Variants in CHD2 observed in about 807,000 individuals in gnomAD.
CHD2 encodes chromodomain helicase DNA binding protein 2, also known as ATP-dependent chromatin remodeler CHD2.
CHD2 carries 28 observed loss-of-function variants against 243.9 expected under a neutral mutation model. That is an observed-to-expected ratio of 0.11 (90% confidence interval 0.09 to 0.16). CHD2 has a LOEUF of 0.16. Among genes scored for constraint, CHD2 ranks in the 10% least tolerant of loss-of-function variants. The pLI is 1.00. For synonymous variants in CHD2, 775 were observed against 779.0 expected, an observed-to-expected ratio of 0.99 and a Z score of 0.09; for missense variants, 1,386 against 2,209.8, an observed-to-expected ratio of 0.63 and a Z score of 7.47.
intron 13 of CHD2, among the ~76,000 whole-genome samples, chr15:92,952,185 TC>T (rs2053562450): frequency 6.6e-6 from 1 of 152,176 alleles, no homozygotes; most frequent in Non-Finnish European, 1.5e-5. Context: ...TCTTAGATAT[TC>T]TTTTTCCATT....
chr15:92,965,294 C>A (rs796580673), intron 16 of CHD2: 1 of 152,072 alleles, frequency 6.6e-6, no homozygotes, highest in African/African-American at 2.4e-5. Context: ...TGGTGGCTCA[C>A]GCCTGTAATC....
At position 92,903,375 on chromosome 15, in the gene CHD2, T is replaced by G. The variant is rs1006253248; in HGVS notation, c.62+2076T>G. Among the ~76,000 whole-genome samples the G allele has an allele frequency of 4.5e-4, 68 of 152,226 alleles. 3 individuals carry two copies. The highest frequency in any genetic ancestry group is 1.9e-4 in the Non-Finnish European group (13 of 68,042). On this transcript the variant is annotated intron_variant, in intron 2 of 38. Transcript: ENST00000394196. ...TGAGCCACAGAAGAGGAAATGAGTT[T>G]GCAGGTCAAGTAAACTTTGGTCTGA... is the stretch of plus-strand genomic sequence containing the variant.
chr15:92,908,209 G>A (rs2052658137), intron 2 of CHD2, among the ~76,000 whole-genome samples: 1 of 151,250 alleles, frequency 6.6e-6, no homozygotes, highest in Non-Finnish European at 1.5e-5. Flanking sequence ...CAAGCTGTTA[G>A]AGAATGAATA....
At chr15:92,987,440 AAAT>A (rs1360424509) in intron 26 of CHD2, among the ~76,000 whole-genome samples, 6 of 151,958 alleles carry the variant, frequency 3.9e-5, no homozygotes, top group African/African-American at 1.5e-4. Flanking sequence ...TCTCTACTAA[AAAT>A]ACAAAAAATT....
At chr15:92,911,231 C>T (rs2052728735) in intron 2 of CHD2, among the ~76,000 whole-genome samples, 2 of 152,128 alleles carry the variant, frequency 1.3e-5, no homozygotes, top group Non-Finnish European at 2.9e-5. Context: ...TGTATACTAC[C>T]TCCTAAGAAT....
At position 92,949,120 on chromosome 15, in the gene CHD2, C is replaced by T. The variant is rs754753528; in HGVS notation, c.1502+44C>T. 4 of 1,590,848 alleles carry T rather than the reference C, an allele frequency of 2.5e-6. No individual in the cohort carries two copies. The South Asian group carries it at 3.5e-5, about 14-fold the overall frequency. ...GTGCAATTTTCCTTACTGTTTCTGG[C>T]TTCTTTATTGTTAGATGTCAAGAAT... On this transcript the variant is annotated intron_variant, in intron 13 of 38. Transcript: ENST00000394196.
intron 7 of CHD2, among the ~76,000 whole-genome samples, chr15:92,941,239 G>A (rs900624670): frequency 2.0e-5 from 3 of 151,660 alleles, no homozygotes; most frequent in Non-Finnish European, 4.4e-5. Flanking sequence ...TGATTCACCT[G>A]TGTCAGCCTC....
intron 2 of CHD2, among the ~76,000 whole-genome samples, chr15:92,922,945 A>G (rs1349139800): frequency 6.6e-6 from 1 of 151,844 alleles, no homozygotes; most frequent in Non-Finnish European, 1.5e-5. Flanking sequence ...ACATCTACCT[A>G]CTTAGGTTGC....
chr15:92,906,476 C>G (rs1358251046), intron 2 of CHD2, among the ~76,000 whole-genome samples: 1 of 152,094 alleles, frequency 6.6e-6, no homozygotes, highest in African/African-American at 2.4e-5. Context: ...CAGATTTTAT[C>G]ATTAGTTTAC....
chr15:92,942,983 A>T lies in CHD2; in HGVS notation c.967A>T (p.Ser323Cys). 6.2e-7 allele frequency: 1 copy of T among 1,614,136 alleles called. No individual in the cohort carries two copies. The highest frequency in any genetic ancestry group is 8.5e-7 in the Non-Finnish European group (1 of 1,179,982). Residue 323 changes from serine (S) to cysteine (C), a missense_variant, in exon 9 of 39, where the codon AGT (serine) becomes TGT (cysteine). Ser to Cys is a moderately radical substitution (Grantham distance 112). This residue lies in a region of CHD2 where 200 missense variants were observed against 292.5 expected (regional missense o/e 0.68). Transcript: ENST00000394196. Reference protein sequence around the residue: ...GWSYIHSTWESEESLQQQKVK... With the variant: ...GWSYIHSTWECEESLQQQKVK... ...GTCTTACATCCACAGCACATGGGAG[A>T]GTGAAGAATCCTTACAGCAACAGAA...
At chr15:93,019,281 A>G (rs1028881009) in intron 37 of CHD2, among the ~76,000 whole-genome samples, 3 of 152,200 alleles carry the variant, frequency 2.0e-5, no homozygotes, top group Admixed American at 6.5e-5. Context: ...ACCGGAGGAT[A>G]TTACTCGCAG....
intron 9 of CHD2, chr15:92,944,113 G>A (rs183432366): frequency 5.7e-6 from 1 of 176,746 alleles, no homozygotes; most frequent in East Asian, 1.4e-4. Flanking sequence ...GTATGAATTT[G>A]CCACATGAAT....
At chr15:92,929,517 T>C (rs2053126167) in intron 5 of CHD2, among the ~76,000 whole-genome samples, 1 of 152,216 alleles carries the variant, frequency 6.6e-6, no homozygotes. Flanking sequence ...TTACATATTG[T>C]TGTTTCTGTA....
intron 17 of CHD2, among the ~76,000 whole-genome samples, chr15:92,971,317 A>G (rs1324018245): frequency 1.3e-5 from 2 of 152,216 alleles, no homozygotes; most frequent in African/African-American, 2.4e-5. Context: ...TCATACTGGC[A>G]CTCAGAAAGT....
chr15:92,964,958 A>G lies in CHD2; in HGVS notation c.2001-2367A>G, dbSNP rs75412985. Among the ~76,000 whole-genome samples the G allele has an allele frequency of 8.2e-3, 1,246 of 152,102 alleles. 55 individuals are homozygous for G. Among genetic ancestry groups the G allele is most frequent in the Admixed American group, 0.07 (1,069 of 15,272 alleles). ...TTTTTTTGCACTTTTCCTTTTACAT[A>G]TTTACTGTGTGACTTTTAGCATACC... On this transcript the variant is annotated intron_variant, in intron 16 of 38. Transcript: ENST00000394196.
chr15:92,940,269 C>T (rs1162890313), intron 7 of CHD2, among the ~76,000 whole-genome samples: 1 of 152,098 alleles, frequency 6.6e-6, no homozygotes. Flanking sequence ...GCCTAGACAA[C>T]AGGGCGAGAC....
intron 19 of CHD2, among the ~76,000 whole-genome samples, chr15:92,973,288 G>A (rs562648908): frequency 5.3e-5 from 8 of 152,172 alleles, no homozygotes; most frequent in East Asian, 3.9e-4. Flanking sequence ...AATTTCTTCC[G>A]CATAGTAACA....
At chr15:92,978,901 T>C (rs2053942115) in intron 21 of CHD2, among the ~76,000 whole-genome samples, 1 of 152,198 alleles carries the variant, frequency 6.6e-6, no homozygotes, top group African/African-American at 2.4e-5. Context: ...GAACAGGCCA[T>C]AACGACAGAT....
At chr15:92,961,499 A>G (rs2053686954) in intron 16 of CHD2, among the ~76,000 whole-genome samples, 1 of 152,208 alleles carries the variant, frequency 6.6e-6, no homozygotes, top group Admixed American at 6.5e-5. Context: ...TCCTGGGCTC[A>G]AGGGATCCTC....
Sources: gnomAD v4.1 joint callset for allele counts (sites outside exome capture counted in the v4.1 genomes callset) on GRCh38, gnomAD v4.1.1 for gene constraint, gnomAD v4.1.1 regional missense constraint, MANE v1.5 for transcripts, NCBI Gene and HGNC (gene_info 2026-07-23, HGNC 2026-07-21) for gene names.